EEF1A1: variants seen among roughly 807,000 people sequenced by gnomAD.
EEF1A1 encodes the protein eukaryotic translation elongation factor 1 alpha 1.
Under a neutral mutation model 38.5 loss-of-function variants are expected in EEF1A1, and 1 was observed. The ratio of observed to expected loss-of-function variants is 0.03; its 90% CI spans 0.01 to 0.12. EEF1A1 has a LOEUF of 0.12. Among genes scored for constraint, EEF1A1 ranks in the 10% least tolerant of loss-of-function variants. EEF1A1 has a pLI of 1.00. For missense variants in EEF1A1, 184 were observed against 588.3 expected, an observed-to-expected ratio of 0.31 and a Z score of 7.11; for synonymous variants, 229 against 203.7, an observed-to-expected ratio of 1.12 and a Z score of -1.06.
At chr6:73,519,249 T>C (rs748424292) in intron 3 of EEF1A1, 21 bp from the exon 4 acceptor site, 33 of 1,607,190 alleles carry the variant, frequency 2.1e-5, no homozygotes, top group Non-Finnish European at 2.8e-5. Flanking sequence ...AGCAAAGACA[T>C]ATCCCTGTCA....
Position 73,519,907 on chromosome 6 carries a change from T to G in EEF1A1, c.120A>C (p.Glu40Asp), listed in dbSNP as rs1258777704. ...KCGGIDKRTI[E>D]KFEKEAAEMG... Reference sequence around the variant, plus strand: ...CCTCAGCAGCCTCCTTCTCAAATTTTTCAATGGTTCTTTTGTCGATGCCAC... The same window carrying G: ...CCTCAGCAGCCTCCTTCTCAAATTTGTCAATGGTTCTTTTGTCGATGCCAC... Residue 40 changes from glutamate (E) to aspartate (D), a missense_variant, in exon 2 of 8, where the codon GAA (glutamate) becomes GAC (aspartate). By Grantham distance (45) the Glu-to-Asp change is conservative. Around this residue, in one of 3 missense-constraint regions of EEF1A1, gnomAD observed 57 missense variants for 228.1 expected, o/e 0.25. Coordinates refer to ENST00000309268, the MANE Select transcript of EEF1A1 (RefSeq NM_001402.6). 1 of 1,612,734 alleles carries G rather than the reference T, an allele frequency of 6.2e-7. No homozygotes were observed. The highest frequency in any genetic ancestry group is 8.5e-7 in the Non-Finnish European group (1 of 1,179,832).
At chr6:73,519,856 T>C (rs1392451590) in intron 2 of EEF1A1, 27 bp downstream of exon 2, 2 of 1,611,686 alleles carry the variant, frequency 1.2e-6, no homozygotes, top group Admixed American at 1.7e-5. Context: ...TTTTAGTTGA[T>C]CTTTCCCTTT....
intron 1 of EEF1A1, 76 bp from the exon 2 acceptor site, chr6:73,520,132 AAATTCCAAGGAG>A: frequency 7.2e-7 from 1 of 1,394,956 alleles, no homozygotes; most frequent in Non-Finnish European, 9.6e-7. Flanking sequence ...CAAAAAGGGC[AAATTCCAAGGAG>A]AATTACATCA....
At position 73,518,262 on chromosome 6, in the gene EEF1A1, C is replaced by A. The variant is rs763192828; in HGVS notation, c.1032G>T (p.Val344=). The change falls in exon 7 of 8, where the codon GTG becomes GTT. Residue 344 remains valine (V), a splice_region_variant and synonymous_variant. Transcript: ENST00000309268. The part of the protein sequence containing the change: ...PMEAAGFTAQ[V]IILNHPGQIS... The stretch of plus-strand genomic sequence containing the variant: ...TTTGGCCTGGATGGTTCAGGATAAT[C>A]ACCTTGGAAAAAAGATTTGCATTCA... The A allele has an allele frequency of 1.9e-6, 3 of 1,613,456 alleles. No homozygotes were observed. Among genetic ancestry groups the A allele is most frequent in the South Asian group, 1.1e-5 (1 of 91,046 alleles).
chr6:73,519,073 T>C lies in EEF1A1; in HGVS notation c.480A>G (p.Pro160=). 6.2e-7 allele frequency: 1 copy of C among 1,606,588 alleles called. No homozygotes were observed. Among genetic ancestry groups the C allele is most frequent in the African/African-American group, 1.3e-5 (1 of 74,910 alleles). ...VGVNKMDSTE[P]PYSQKRYEEI... ...CCTCATATCTCTTCTGGCTGTAGGG[T>C]GGCTCAGTGGAATCCATTTTGTTAA... is the stretch of plus-strand genomic sequence containing the variant. Residue 160 remains proline, a synonymous_variant, in exon 4 of 8, where the codon CCA becomes CCG. Transcript: ENST00000309268.
rs765550117 is a variant in EEF1A1 at position 73,520,068 on chromosome 6, GA to G, written c.-30-13del. On this transcript the variant is annotated splice_polypyrimidine_tract_variant and intron_variant, in intron 1 of 7. Transcript: ENST00000309268. ...AGTTTTCACGACACCTGAAATGGAA[GA>G]AAAAAACTTTGAACCACTGTCTGAG... 13 of 1,572,940 alleles carry G rather than the reference GA, an allele frequency of 8.3e-6. No homozygotes were observed. The highest frequency in any genetic ancestry group is 1.9e-5 in the Admixed American group (1 of 53,070).
rs776665070 is a variant in EEF1A1, at chr6:73,519,240, G to C, written c.325-12C>G. ...ACAGCACAGTCAGCCTTTAAAGAAAGCAAAGACATATCCCTGTCAACTCTC... is the reference window on the plus strand; with the variant it reads ...ACAGCACAGTCAGCCTTTAAAGAAACCAAAGACATATCCCTGTCAACTCTC... On this transcript the variant is annotated splice_polypyrimidine_tract_variant and intron_variant, in intron 3 of 7. Coordinates refer to ENST00000309268, the MANE Select transcript of EEF1A1 (RefSeq NM_001402.6). The C allele has an allele frequency of 8.7e-6, 14 of 1,607,500 alleles. No homozygotes were observed. In the East Asian group the frequency reaches 3.1e-4, roughly 36 times the overall value.
rs1765537472 is a variant in EEF1A1, at chr6:73,517,105, T to C, written c.*705A>G. The C allele has an allele frequency of 6.6e-6, 1 of 152,306 alleles. No individual in the cohort carries two copies. Among genetic ancestry groups the C allele is most frequent in the Non-Finnish European group, 1.5e-5 (1 of 68,110 alleles). 9.4% of individuals were successfully genotyped at this position (152,306 alleles called of 1,614,324 possible). A position where few individuals can be genotyped will look rare whatever the true frequency, so the allele number is the denominator to read the frequency against. ...GGTGTACACTAGCCACTACACTTATTTCTTATGTCATGGCAAATAGTCAAC... is the reference window on the plus strand; with the variant it reads ...GGTGTACACTAGCCACTACACTTATCTCTTATGTCATGGCAAATAGTCAAC... On this transcript the variant is annotated 3_prime_UTR_variant, in exon 8 of 8. Transcript: ENST00000309268.
At chr6:73,517,966 G>A (rs576134698) in intron 7 of EEF1A1, 32 bp from the exon 8 acceptor site, 1 of 1,613,612 alleles carries the variant, frequency 6.2e-7, no homozygotes, top group African/African-American at 1.3e-5. Flanking sequence ...ATTACCCAAA[G>A]TACTGTTCAG....
chr6:73,520,149 ACAT>A (rs1765616515), intron 1 of EEF1A1, 93 bp from the exon 2 acceptor site: 2 of 1,248,090 alleles, frequency 1.6e-6, no homozygotes, highest in Admixed American at 5.1e-5. Context: ...AAGGAGAATT[ACAT>A]CAAGTGCCAA....
rs11556702 is a variant in EEF1A1, at chr6:73,519,343, T to A, written c.318A>T (p.Thr106=). 1 of 1,611,514 alleles carries A rather than the reference T, an allele frequency of 6.2e-7. No homozygotes were observed. Among genetic ancestry groups the A allele is most frequent in the Non-Finnish European group, 8.5e-7 (1 of 1,178,012 alleles). ...AATTATTAATCCCACCAACCTGAGATGTCCCTGTAATCATGTTTTTGATAA... is the reference window on the plus strand; with the variant it reads ...AATTATTAATCCCACCAACCTGAGAAGTCCCTGTAATCATGTTTTTGATAA... ...RDFIKNMITG[T]SQADCAVLIV... Residue 106 remains threonine (T), a synonymous_variant, in exon 3 of 8, where the codon ACA becomes ACT. Transcript: ENST00000309268.
chr6:73,516,913 G>C lies in EEF1A1; in HGVS notation c.*897C>G, dbSNP rs1182180287. The C allele has an allele frequency of 6.6e-6, 1 of 152,188 alleles. No individual in the cohort carries two copies. Among genetic ancestry groups the C allele is most frequent in the Non-Finnish European group, 1.5e-5 (1 of 68,032 alleles). The allele number at this position is 152,188 out of a possible 1,614,324, so 9.4% of individuals were successfully genotyped here. ...GCATAAAAGGTATTAGACTCTGCAG[G>C]AGAAAAGCAATGTAGATTAGTCTAA... On this transcript the variant is annotated 3_prime_UTR_variant, in exon 8 of 8. Coordinates refer to ENST00000309268, the MANE Select transcript of EEF1A1 (RefSeq NM_001402.6).
In EEF1A1 at chr6:73,519,733, A is replaced by C. The variant is rs1025063516; in HGVS notation, c.144+150T>G. On this transcript the variant is annotated intron_variant, in intron 2 of 7. Transcript: ENST00000309268. ...CTACTCACTAGCAATACGATTACAG[A>C]AGTCACCAAAAGCAAAATTATTTCA... 27 of 1,225,218 alleles carry C rather than the reference A, an allele frequency of 2.2e-5. No individual in the cohort carries two copies. The African/African-American group carries it at 4.0e-4, about 18-fold the overall frequency. 75.9% of individuals were successfully genotyped at this position (1,225,218 alleles called of 1,614,324 possible). A position where few individuals can be genotyped will look rare whatever the true frequency, so the allele number is the denominator to read the frequency against.
At position 73,519,352 on chromosome 6, in the gene EEF1A1, A is replaced by G. The variant is rs1283858633; in HGVS notation, c.309T>C (p.Ile103=). Residue 103 remains isoleucine (I), a synonymous_variant, in exon 3 of 8, where the codon ATT becomes ATC. Transcript: ENST00000309268. ...TCCCACCAACCTGAGATGTCCCTGT[A>G]ATCATGTTTTTGATAAAGTCTCTGT... is the stretch of plus-strand genomic sequence containing the variant. The part of the protein sequence containing the change: ...PGHRDFIKNM[I]TGTSQADCAV... 4 of 1,612,924 alleles carry G rather than the reference A, an allele frequency of 2.5e-6. No homozygotes were observed. The highest frequency in any genetic ancestry group is 3.4e-6 in the Non-Finnish European group (4 of 1,179,308).
In EEF1A1 at chr6:73,518,576, A is replaced by G. The variant is rs563821772; in HGVS notation, c.807T>C (p.Thr269=). 5 of 1,613,680 alleles carry G rather than the reference A, an allele frequency of 3.1e-6. No individual in the cohort carries two copies. The highest frequency in any genetic ancestry group is 2.2e-5 in the South Asian group (2 of 91,078). The change falls in exon 6 of 8, where the codon ACT becomes ACC. Residue 269 remains threonine (T), a synonymous_variant. Coordinates refer to ENST00000309268, the MANE Select transcript of EEF1A1 (RefSeq NM_001402.6). ...CCACCATACCGGGTTTGAGAACACCAGTCTCCACTCGGCCAACAGGAACAG... is the reference window on the plus strand; with the variant it reads ...CCACCATACCGGGTTTGAGAACACCGGTCTCCACTCGGCCAACAGGAACAG... The part of the protein sequence containing the change: ...IGTVPVGRVE[T]GVLKPGMVVT...
At chr6:73,519,759 T>G in intron 2 of EEF1A1, 124 bp downstream of exon 2, 1 of 1,418,822 alleles carries the variant, frequency 7.0e-7, no homozygotes, top group South Asian at 1.4e-5. Context: ...AATTATTTCA[T>G]AAGTAAGGTC....
chr6:73,519,693 T>A (rs1765603500), intron 2 of EEF1A1, among the ~76,000 whole-genome samples, 177 bp from the exon 3 acceptor site: 1 of 152,222 alleles, frequency 6.6e-6, no homozygotes, highest in South Asian at 2.1e-4. Context: ...GGATCTTAAC[T>A]ATTAACATCC....
intron 1 of EEF1A1, 42 bp from the exon 2 acceptor site, chr6:73,520,098 T>A: frequency 6.5e-7 from 1 of 1,536,398 alleles, no homozygotes; most frequent in East Asian, 2.2e-5. Flanking sequence ...GTCTGAGGCT[T>A]GAGAATGAAC....
chr6:73,519,628 T>C (rs556653424), intron 2 of EEF1A1, 112 bp from the exon 3 acceptor site: 1 of 1,305,614 alleles, frequency 7.7e-7, no homozygotes, highest in Non-Finnish European at 1.0e-6. Flanking sequence ...AAGTCCAAAG[T>C]GATTTTAGTC....
Sources: allele counts gnomAD v4.1 joint callset (sites outside exome capture counted in the v4.1 genomes callset), GRCh38; gene constraint gnomAD v4.1.1; regional missense constraint gnomAD v4.1.1; transcripts MANE v1.5; gene names NCBI Gene and HGNC (gene_info 2026-07-23, HGNC 2026-07-21).